MYLK: variants seen among roughly 807,000 people sequenced by gnomAD.
MYLK encodes the protein myosin light chain kinase, smooth muscle.
Under a neutral mutation model 203.4 loss-of-function variants are expected in MYLK, and 106 were observed. The observed-to-expected ratio is 0.52, with a 90% CI of 0.45 to 0.61. The LOEUF (loss-of-function observed/expected upper bound fraction) is 0.61, where lower values mean the gene tolerates loss of function less well. Ranked by LOEUF, MYLK falls within the 20% of genes least tolerant of loss-of-function variation. The pLI, the probability that MYLK is intolerant of heterozygous loss-of-function variation, is 0.00. For missense variants in MYLK, 2,072 were observed against 2,442.3 expected (o/e 0.85, Z 3.20); for synonymous variants, 867 against 959.5 (o/e 0.90, Z 1.78).
intron 4 of MYLK, among the ~76,000 whole-genome samples, chr3:123,771,307 C>T (rs140404311): frequency 2.6e-5 from 4 of 152,238 alleles, no homozygotes; most frequent in East Asian, 1.9e-4. Flanking sequence ...ATCTTCAAAT[C>T]GGAGTTTACC....
chr3:123,683,268 T>C (rs918985326), intron 19 of MYLK, among the ~76,000 whole-genome samples: 2 of 111,232 alleles, frequency 1.8e-5, no homozygotes, highest in South Asian at 3.0e-4. Context: ...TTCCTGCTCC[T>C]GAGGAGAGGA....
At chr3:123,709,431 T>C (rs1049945968) in intron 14 of MYLK, 5 of 359,780 alleles carry the variant, frequency 1.4e-5, no homozygotes, top group East Asian at 6.9e-5. Context: ...TGAGCCACCG[T>C]GCCCGGCCCA....
chr3:123,640,634 A>G lies in MYLK; in HGVS notation c.4620-130T>C, dbSNP rs552049797. ...AGCCCAGGGAATGGGGGTGATGGGC[A>G]ATTCCTGAATCCCCACCCTCCGACA... On this transcript the variant is annotated intron_variant, in intron 27 of 33. Coordinates refer to ENST00000360304, the MANE Select transcript of MYLK (RefSeq NM_053025.4). This position sits in a 1 kb window ranked among gnomAD's most constrained non-coding sequence, Gnocchi z 4.3. 6.8e-5 allele frequency: 62 copies of G among 905,636 alleles called. 1 individual carries two copies. In the East Asian group the frequency reaches 1.2e-3, roughly 18 times the overall value. The allele number at this position is 905,636 out of a possible 1,614,324, so 56.1% of individuals were successfully genotyped here.
At chr3:123,687,582 T>C (rs1220304636) in intron 19 of MYLK, among the ~76,000 whole-genome samples, 2 of 149,738 alleles carry the variant, frequency 1.3e-5, no homozygotes, top group Non-Finnish European at 2.9e-5. Flanking sequence ...CTTCCTTCCT[T>C]CCTTTCTTCC....
intron 1 of MYLK, among the ~76,000 whole-genome samples, chr3:123,883,414 C>T (rs1003070798): frequency 3.2e-4 from 49 of 152,076 alleles, no homozygotes; most frequent in Non-Finnish European, 5.9e-5. Flanking sequence ...ATAGAAAGTG[C>T]CCCGCACCCC....
At position 123,629,512 on chromosome 3, in the gene MYLK, G is replaced by A. The variant is rs201104217; in HGVS notation, c.5076C>T (p.Ala1692=). 6.2e-7 allele frequency: 1 copy of A among 1,614,166 alleles called. No individual in the cohort carries two copies. Among genetic ancestry groups the A allele is most frequent in the East Asian group, 2.2e-5 (1 of 44,876 alleles). ...DEAFDEISDD[A]KDFISNLLKK... is the part of the protein sequence containing the mutation. ...TCAGCAGATTGCTGATGAAATCCTT[G>A]GCATCGTCGGAGATCTCATCGAATG... Residue 1692 remains alanine, a synonymous_variant, in exon 30 of 34, where the codon GCC becomes GCT. Coordinates refer to ENST00000360304, the MANE Select transcript of MYLK (RefSeq NM_053025.4). This position sits in a 1 kb window ranked among gnomAD's most constrained non-coding sequence, Gnocchi z 4.4.
chr3:123,632,523 C>G (rs900059222), intron 29 of MYLK, among the ~76,000 whole-genome samples: 48 of 152,170 alleles, frequency 3.2e-4, no homozygotes, highest in Non-Finnish European at 1.2e-4. Context: ...GCCTCCTCGC[C>G]TCTGGCCTCT....
chr3:123,735,116 G>A (rs966859995), intron 9 of MYLK: 1 of 463,890 alleles, frequency 2.2e-6, no homozygotes, highest in South Asian at 2.1e-5. Context: ...TCAGAGCAGT[G>A]TTCTTCCTCA....
At position 123,689,475 on chromosome 3, in the gene MYLK, A is replaced by T. The variant is rs820379; in HGVS notation, c.3565+3260T>A. ...CAGGCTGTGGAAAGGAACAGGTTTC[A>T]GAGCCAGACCACTGAGTCCTGCCAG... is the stretch of plus-strand genomic sequence containing the variant. On this transcript the variant is annotated intron_variant, in intron 19 of 33. Transcript: ENST00000360304. Among the ~76,000 whole-genome samples the T allele has an allele frequency of 2.7e-3, 415 of 152,088 alleles. 1 individual carries two copies. Among genetic ancestry groups the T allele is most frequent in the African/African-American group, 9.8e-3 (407 of 41,426 alleles).
At chr3:123,836,158 T>C (rs1331529668) in intron 2 of MYLK, among the ~76,000 whole-genome samples, 1 of 152,238 alleles carries the variant, frequency 6.6e-6, no homozygotes, top group African/African-American at 2.4e-5. Flanking sequence ...TATGTGCCTC[T>C]TCTACTATTA....
At chr3:123,620,533 G>A (rs2107894269) in intron 31 of MYLK, 197 bp from the exon 32 acceptor site, 2 of 1,433,794 alleles carry the variant, frequency 1.4e-6, no homozygotes, top group East Asian at 5.3e-5. Context: ...GTCAGAAGAT[G>A]TTCAGAGAAT....
chr3:123,781,406 C>G (rs927714822), intron 4 of MYLK, among the ~76,000 whole-genome samples: 1 of 152,222 alleles, frequency 6.6e-6, no homozygotes, highest in Admixed American at 6.5e-5. Context: ...TCGAGCTCTC[C>G]TGGAGGGTGC....
At chr3:123,625,392 T>G (rs2058087936) in intron 31 of MYLK, 1 of 151,418 alleles carries the variant, frequency 6.6e-6, no homozygotes, top group African/African-American at 2.4e-5. Context: ...TGCTTGAACC[T>G]GGGAAGCAGA....
chr3:123,631,236 A>G (rs2058407206), intron 29 of MYLK, among the ~76,000 whole-genome samples: 1 of 152,084 alleles, frequency 6.6e-6, no homozygotes, highest in Admixed American at 6.5e-5. Context: ...TGTCTCTACT[A>G]AAAATACAAA....
At chr3:123,672,515 G>T (rs2059948289) in intron 20 of MYLK, among the ~76,000 whole-genome samples, 1 of 152,198 alleles carries the variant, frequency 6.6e-6, no homozygotes, top group African/African-American at 2.4e-5. Flanking sequence ...GTGGGCACCA[G>T]GTGTGAGAAG....
intron 8 of MYLK, among the ~76,000 whole-genome samples, chr3:123,736,620 A>C (rs1033215797): frequency 1.3e-5 from 2 of 152,274 alleles, no homozygotes; most frequent in South Asian, 4.2e-4. Context: ...AGGATGCTGG[A>C]AAGTCCAGTC....
At position 123,793,756 on chromosome 3, in the gene MYLK, A is replaced by G; in HGVS notation, c.86T>C (p.Leu29Pro). ...CAAAATGAAAGCAGGGGCCTCTGTC[A>G]GGGGCATGGAGTCAACTCTTGAGGG... The part of the protein sequence containing the change: ...VDPSRVDSMP[L>P]TEAPAFILPP... Residue 29 changes from leucine to proline, a missense_variant, in exon 4 of 34, where the codon CTG becomes CCG. Coordinates refer to ENST00000360304, the MANE Select transcript of MYLK (RefSeq NM_053025.4). 24 of 1,613,920 alleles carry G rather than the reference A, an allele frequency of 1.5e-5. No homozygotes were observed. Among genetic ancestry groups the G allele is most frequent in the Non-Finnish European group, 2.0e-5 (24 of 1,179,954 alleles).
intron 13 of MYLK, among the ~76,000 whole-genome samples, chr3:123,721,406 C>A (rs541504767): frequency 1.3e-5 from 2 of 152,258 alleles, no homozygotes; most frequent in East Asian, 3.9e-4. Flanking sequence ...AGCACTTCCA[C>A]GGGAACTGTC....
intron 28 of MYLK, among the ~76,000 whole-genome samples, chr3:123,639,980 A>G (rs770625904): frequency 1.3e-5 from 2 of 152,168 alleles, no homozygotes; most frequent in Non-Finnish European, 2.9e-5. Context: ...ATCATCATAT[A>G]TACAGCTAAC....
Sources: gnomAD v4.1 joint callset for allele counts (sites outside exome capture counted in the v4.1 genomes callset) on GRCh38, gnomAD v4.1.1 for gene constraint, Gnocchi (gnomAD v3.1) non-coding constraint, MANE v1.5 for transcripts, NCBI Gene and HGNC (gene_info 2026-07-23, HGNC 2026-07-21) for gene names.